Variants in NCAM1 observed in about 807,000 individuals in gnomAD.
NCAM1 encodes the protein antigen recognized by monoclonal antibody 5.1H11.
In NCAM1, 14 loss-of-function variants were observed where a neutral mutation model predicts 109.8. The observed-to-expected ratio is 0.13, with a 90% CI of 0.08 to 0.20. The LOEUF (loss-of-function observed/expected upper bound fraction) is 0.20, where lower values mean the gene tolerates loss of function less well. Ranked by LOEUF, NCAM1 falls within the 10% of genes least tolerant of loss-of-function variation. NCAM1 has a pLI of 1.00. For missense variants in NCAM1, 774 were observed against 1,109.9 expected, an observed-to-expected ratio of 0.70 and a Z score of 4.30; for synonymous variants, 418 against 442.9, an observed-to-expected ratio of 0.94 and a Z score of 0.70.
At chr11:113,160,440 C>CA (rs1454077733) in intron 1 of NCAM1, among the ~76,000 whole-genome samples, 1 of 152,240 alleles carries the variant, frequency 6.6e-6, no homozygotes, top group African/African-American at 2.4e-5. Flanking sequence ...GGCACTGGTA[C>CA]AAAATCCCAA....
chr11:113,037,130 C>G (rs1389036807), intron 1 of NCAM1, among the ~76,000 whole-genome samples: 1 of 152,134 alleles, frequency 6.6e-6, no homozygotes, highest in African/African-American at 2.4e-5. Flanking sequence ...GAATTAACAC[C>G]CACATCAAAT....
rs1363179244 is a variant in NCAM1 at position 113,214,354 on chromosome 11, GT to G, written c.917-11del. On this transcript the variant is annotated splice_polypyrimidine_tract_variant and intron_variant, in intron 7 of 19. Transcript: ENST00000316851. ...AATAATTAGATAAACTCAGAGAAAT[GT>G]TTTGTCTTTTCAGCAAAACCCAAAA... is the stretch of plus-strand genomic sequence containing the variant. 5 of 1,612,728 alleles carry G rather than the reference GT, an allele frequency of 3.1e-6. No homozygotes were observed. In the African/African-American group the frequency reaches 6.7e-5, roughly 22 times the overall value.
Position 113,002,243 on chromosome 11 carries a change from T to G in NCAM1, c.52+40579T>G, listed in dbSNP as rs1318134518. ...AACCTGTGTTCATTGCAAAAGCTGT[T>G]GCATAAATATTTGTCAAGTAAAGGA... On this transcript the variant is annotated intron_variant, in intron 1 of 19. Transcript: ENST00000316851. Among the ~76,000 whole-genome samples the G allele has an allele frequency of 2.0e-5, 3 of 152,174 alleles. No individual in the cohort carries two copies. The East Asian group carries it at 5.8e-4, about 29-fold the overall frequency.
At chr11:113,161,740 C>T (rs1447706228) in intron 1 of NCAM1, among the ~76,000 whole-genome samples, 1 of 152,160 alleles carries the variant, frequency 6.6e-6, no homozygotes, top group Non-Finnish European at 1.5e-5. Flanking sequence ...CCCGCCCACC[C>T]CCTTTGCCCA....
chr11:113,243,136 C>G (rs620291), intron 14 of NCAM1, among the ~76,000 whole-genome samples: 127,354 of 152,266 alleles, frequency 0.84, 53,343 homozygotes, highest in South Asian at 0.91. Flanking sequence ...TTAGGCAAAC[C>G]CTGAGGACAC....
At chr11:113,100,291 G>A (rs1939812619) in intron 1 of NCAM1, among the ~76,000 whole-genome samples, 1 of 152,114 alleles carries the variant, frequency 6.6e-6, no homozygotes, top group African/African-American at 2.4e-5. Context: ...GCCAGGGCTG[G>A]GGTGAGCACT....
At position 112,961,554 on chromosome 11, in the gene NCAM1, AGG is replaced by A. The variant is rs145493999; in HGVS notation, c.-50_-49del. On this transcript the variant is annotated 5_prime_UTR_variant, in exon 1 of 20. Coordinates refer to ENST00000316851, the MANE Select transcript of NCAM1 (RefSeq NM_181351.5). ...CTCAGCCGCCGTCCACACTCGCTGC[AGG>A]GGGGGGGGCACAGAATTTACCGCGG... 7 of 942,188 alleles carry A rather than the reference AGG, an allele frequency of 7.4e-6. No homozygotes were observed. Among genetic ancestry groups the A allele is most frequent in the African/African-American group, 1.7e-5 (1 of 58,906 alleles). 58.4% of individuals were successfully genotyped at this position (942,188 alleles called of 1,614,324 possible). A position where few individuals can be genotyped will look rare whatever the true frequency, so the allele number is the denominator to read the frequency against.
chr11:113,209,764 G>A (rs151142344), intron 7 of NCAM1, among the ~76,000 whole-genome samples: 3 of 152,330 alleles, frequency 2.0e-5, no homozygotes, highest in African/African-American at 4.8e-5. Flanking sequence ...GATAGTCAAC[G>A]CTGGAATTTG....
chr11:113,226,848 T>G (rs1048976135), intron 9 of NCAM1, among the ~76,000 whole-genome samples: 1 of 152,036 alleles, frequency 6.6e-6, no homozygotes, highest in Non-Finnish European at 1.5e-5. Context: ...CATAACGAAA[T>G]GAAGGCAGAA....
At chr11:113,187,386 T>C (rs1276363986) in intron 1 of NCAM1, among the ~76,000 whole-genome samples, 1 of 152,034 alleles carries the variant, frequency 6.6e-6, no homozygotes, top group Non-Finnish European at 1.5e-5. Flanking sequence ...TTTGATGTGG[T>C]GGTTATTTTT....
At chr11:113,231,174 C>T in intron 9 of NCAM1, 1 of 1,531,812 alleles carries the variant, frequency 6.5e-7, no homozygotes, top group Non-Finnish European at 8.7e-7. Context: ...TTATGTTGGG[C>T]ACTTGGAATG....
chr11:113,095,334 A>G lies in NCAM1; in HGVS notation c.53-107045A>G, dbSNP rs992090028. Among the ~76,000 whole-genome samples the G allele has an allele frequency of 1.8e-4, 25 of 136,400 alleles. No individual in the cohort carries two copies. In the East Asian group the frequency reaches 5.3e-3, roughly 29 times the overall value. 89.5% of individuals were successfully genotyped at this position (136,400 alleles called of 152,430 possible). A position where few individuals can be genotyped will look rare whatever the true frequency, so the allele number is the denominator to read the frequency against. The stretch of plus-strand genomic sequence containing the variant: ...AGAATGCGTGTGTGTGTGTGTGTAT[A>G]TGTATGTGCTTATCTAACTCATAGA... On this transcript the variant is annotated intron_variant, in intron 1 of 19. Transcript: ENST00000316851.
At chr11:113,080,632 T>C (rs1555087003) in intron 1 of NCAM1, among the ~76,000 whole-genome samples, 1 of 152,206 alleles carries the variant, frequency 6.6e-6, no homozygotes, top group African/African-American at 2.4e-5. Context: ...ATAACTGATA[T>C]AATTTCTAAA....
chr11:113,138,092 C>A (rs1941671588), intron 1 of NCAM1, among the ~76,000 whole-genome samples: 2 of 152,244 alleles, frequency 1.3e-5, no homozygotes, highest in South Asian at 4.1e-4. Flanking sequence ...GTGATTACAG[C>A]AGAGAGCAGA....
intron 13 of NCAM1, 147 bp from the exon 14 acceptor site, chr11:113,234,886 A>G: frequency 1.8e-6 from 2 of 1,111,862 alleles, no homozygotes; most frequent in Non-Finnish European, 2.5e-6. Context: ...CCCGACTTTC[A>G]ATTCTATGCA....
intron 1 of NCAM1, among the ~76,000 whole-genome samples, chr11:113,079,626 AT>A (rs1420101418): frequency 6.6e-5 from 10 of 152,340 alleles, no homozygotes; most frequent in African/African-American, 2.2e-4. Context: ...TGTGATATAC[AT>A]TTTTTGGAAT....
intron 1 of NCAM1, among the ~76,000 whole-genome samples, chr11:113,034,673 G>A (rs1280395884): frequency 6.6e-6 from 1 of 152,218 alleles, no homozygotes; most frequent in Non-Finnish European, 1.5e-5. Flanking sequence ...TACAGAAGAT[G>A]AAGATTAAAT....
At chr11:112,973,738 A>C (rs2134574767) in intron 1 of NCAM1, among the ~76,000 whole-genome samples, 1 of 152,252 alleles carries the variant, frequency 6.6e-6, no homozygotes. Flanking sequence ...CTTTCTGCTA[A>C]AGTTCACAGT....
chr11:113,221,485 G>A, intron 9 of NCAM1, 160 bp downstream of exon 9: 1 of 691,624 alleles, frequency 1.4e-6, no homozygotes, highest in African/African-American at 1.8e-5. Context: ...ATCATTTTAG[G>A]ATGAGCAAGC....
Sources: allele counts gnomAD v4.1 joint callset (sites outside exome capture counted in the v4.1 genomes callset), GRCh38; gene constraint gnomAD v4.1.1; transcripts MANE v1.5; gene names NCBI Gene and HGNC (gene_info 2026-07-23, HGNC 2026-07-21).